The following IQGAP2 variants were observed in gnomAD, a reference collection of about 807,000 sequenced individuals.
The protein encoded by IQGAP2 is ras GTPase-activating-like protein IQGAP2.
Under a neutral mutation model 201.3 loss-of-function variants are expected in IQGAP2, and 173 were observed. The ratio of observed to expected loss-of-function variants is 0.86; its 90% confidence interval spans 0.76 to 0.98. The LOEUF (loss-of-function observed/expected upper bound fraction) is 0.98, where lower values mean the gene tolerates loss of function less well. Among genes scored for constraint, IQGAP2 ranks in the 50% least tolerant of loss-of-function variants. The pLI is 0.00. For synonymous variants in IQGAP2, 675 were observed against 673.9 expected (o/e 1.00, Z -0.03); for missense variants, 1,687 against 1,864.8 (o/e 0.90, Z 1.76).
At chr5:76,547,742 A>G (rs952180531) in intron 2 of IQGAP2, among the ~76,000 whole-genome samples, 7 of 152,216 alleles carry the variant, frequency 4.6e-5, no homozygotes, top group Non-Finnish European at 7.3e-5. Context: ...GTTATCTTGT[A>G]AAACTGAAGG....
At chr5:76,446,154 A>G (rs1580207451) in intron 1 of IQGAP2, among the ~76,000 whole-genome samples, 1 of 152,336 alleles carries the variant, frequency 6.6e-6, no homozygotes, top group African/African-American at 2.4e-5. Flanking sequence ...GAACTTAGGT[A>G]CAAATATCTG....
At chr5:76,618,199 T>C in intron 13 of IQGAP2, 1 of 1,614,190 alleles carries the variant, frequency 6.2e-7, no homozygotes, top group Non-Finnish European at 8.5e-7. Context: ...AAGATGACTG[T>C]GGTGGCCCGG....
chr5:76,613,642 T>C (rs1326561444), intron 13 of IQGAP2, among the ~76,000 whole-genome samples: 1 of 152,184 alleles, frequency 6.6e-6, no homozygotes, highest in Non-Finnish European at 1.5e-5. Context: ...GCTAGTATTA[T>C]TGTGGGCACC....
In IQGAP2 at chr5:76,436,476, CATATATATATATATATATATATAT is replaced by C. The variant is rs1283261181; in HGVS notation, c.47-25075_47-25052del. Among the ~76,000 whole-genome samples the C allele has an allele frequency of 2.2e-3, 48 of 21,478 alleles. 1 individual carries two copies. Among genetic ancestry groups the C allele is most frequent in the East Asian group, 3.9e-3 (2 of 516 alleles). The allele number at this position is 21,478 out of a possible 152,430, so 14.1% of individuals were successfully genotyped here. On this transcript the variant is annotated intron_variant, in intron 1 of 35. Transcript: ENST00000274364. Reference sequence around the variant, plus strand: ...CTTTTTCTGCATCTATTGAGATGATCATATATATATATATATATATATATATATATATATATATATATTTTTTTT... The same window carrying C: ...CTTTTTCTGCATCTATTGAGATGATCATATATATATATATATATTTTTTTT...
intron 2 of IQGAP2, among the ~76,000 whole-genome samples, chr5:76,462,075 A>T (rs1754489451): frequency 6.6e-6 from 1 of 152,236 alleles, no homozygotes; most frequent in Non-Finnish European, 1.5e-5. Flanking sequence ...AAGTTGAGGC[A>T]CTAGGAGGAA....
chr5:76,470,390 G>A (rs1265325407), intron 2 of IQGAP2, among the ~76,000 whole-genome samples: 1 of 152,136 alleles, frequency 6.6e-6, no homozygotes, highest in Non-Finnish European at 1.5e-5. Context: ...GGGGATGACT[G>A]GGGCACCACC....
At chr5:76,666,817 C>T (rs1021646713) in intron 22 of IQGAP2, among the ~76,000 whole-genome samples, 1 of 152,202 alleles carries the variant, frequency 6.6e-6, no homozygotes, top group African/African-American at 2.4e-5. Context: ...AACCACAGCT[C>T]ACTGCAGCCT....
chr5:76,437,268 GTCTCAAAC>G (rs1752761686), intron 1 of IQGAP2, among the ~76,000 whole-genome samples: 1 of 151,888 alleles, frequency 6.6e-6, no homozygotes, highest in Admixed American at 6.6e-5. Flanking sequence ...GCCTAGGTTG[GTCTCAAAC>G]TCCTGAGCTC....
chr5:76,618,272 T>G, intron 13 of IQGAP2: 1 of 1,614,152 alleles, frequency 6.2e-7, no homozygotes, highest in Non-Finnish European at 8.5e-7. Context: ...TAAAGGGCAA[T>G]GTAACACAAA....
At chr5:76,513,846 G>T (rs1758136921) in intron 2 of IQGAP2, among the ~76,000 whole-genome samples, 1 of 152,114 alleles carries the variant, frequency 6.6e-6, no homozygotes, top group Non-Finnish European at 1.5e-5. Context: ...ATGAACTATG[G>T]ATTATAGTTA....
At chr5:76,533,768 G>T (rs1759461981) in intron 2 of IQGAP2, among the ~76,000 whole-genome samples, 1 of 152,144 alleles carries the variant, frequency 6.6e-6, no homozygotes, top group South Asian at 2.1e-4. Flanking sequence ...TCAATCTCCT[G>T]ACCTCATGAT....
In IQGAP2 at chr5:76,707,645, C is replaced by T; in HGVS notation, c.*332C>T. 5.4e-6 allele frequency: 1 copy of T among 185,574 alleles called. No homozygotes were observed. The highest frequency in any genetic ancestry group is 1.1e-5 in the Non-Finnish European group (1 of 90,668). The allele number at this position is 185,574 out of a possible 1,614,324, so 11.5% of individuals were successfully genotyped here. On this transcript the variant is annotated 3_prime_UTR_variant, in exon 36 of 36. Transcript: ENST00000274364. ...AGGGACAAACATGTAAACCTATTTTCCTATGAAAAAAATTTTAAATGTCCC... is the reference window on the plus strand; with the variant it reads ...AGGGACAAACATGTAAACCTATTTTTCTATGAAAAAAATTTTAAATGTCCC...
intron 2 of IQGAP2, among the ~76,000 whole-genome samples, chr5:76,518,488 C>T (rs534151708): frequency 2.0e-5 from 3 of 152,278 alleles, no homozygotes; most frequent in African/African-American, 7.2e-5. Context: ...TCAATTACCT[C>T]CAACCAGCCC....
chr5:76,657,530 AG>A (rs1742859322), intron 20 of IQGAP2, among the ~76,000 whole-genome samples: 11 of 152,190 alleles, frequency 7.2e-5, no homozygotes. Context: ...TGGAAGTAAA[AG>A]GAAGACTGTC....
At chr5:76,490,580 A>C (rs778183627) in intron 2 of IQGAP2, among the ~76,000 whole-genome samples, 10 of 152,220 alleles carry the variant, frequency 6.6e-5, no homozygotes, top group Non-Finnish European at 8.8e-5. Context: ...CAATAACTAT[A>C]TAAAACCCTA....
chr5:76,440,906 C>T (rs1752988925), intron 1 of IQGAP2, among the ~76,000 whole-genome samples: 1 of 152,116 alleles, frequency 6.6e-6, no homozygotes, highest in Non-Finnish European at 1.5e-5. Context: ...TGGCGGATGC[C>T]TGTGATCCCT....
intron 1 of IQGAP2, among the ~76,000 whole-genome samples, chr5:76,456,201 AGT>A (rs753366517): frequency 3.2e-4 from 49 of 152,150 alleles, no homozygotes; most frequent in Admixed American, 5.9e-4. Context: ...GCCTGTGCTC[AGT>A]GTCTCATAAT....
intron 17 of IQGAP2, among the ~76,000 whole-genome samples, chr5:76,645,391 A>G (rs546129708): frequency 6.6e-6 from 1 of 152,274 alleles, no homozygotes; most frequent in African/African-American, 2.4e-5. Context: ...GTCAAATGGT[A>G]TTTCTGGTTC....
intron 2 of IQGAP2, among the ~76,000 whole-genome samples, chr5:76,557,310 C>A (rs970665964): frequency 6.6e-6 from 1 of 152,126 alleles, no homozygotes; most frequent in Admixed American, 6.5e-5. Context: ...GAGAAAAACA[C>A]CGGAAAATCA....
Sources: gnomAD v4.1 joint callset for allele counts (sites outside exome capture counted in the v4.1 genomes callset) on GRCh38, gnomAD v4.1.1 for gene constraint, MANE v1.5 for transcripts, NCBI Gene and HGNC (gene_info 2026-07-23, HGNC 2026-07-21) for gene names.